The following PTPRT variants were observed in gnomAD, a reference collection of about 807,000 sequenced individuals.
PTPRT encodes protein tyrosine phosphatase receptor type T.
PTPRT carries 56 observed loss-of-function variants against 176.8 expected under a neutral mutation model. The ratio of observed to expected loss-of-function variants is 0.32; its 90% CI spans 0.26 to 0.40. The LOEUF is 0.40. Among genes scored for constraint, PTPRT ranks in the 10% least tolerant of loss-of-function variants. The probability of loss-of-function intolerance (pLI) is 1.00; values close to 1 mark genes in which losing one functional copy is unlikely to be tolerated. For synonymous variants in PTPRT, 783 were observed against 739.0 expected, an observed-to-expected ratio of 1.06 and a Z score of -0.96; for missense variants, 1,540 against 1,908.2, an observed-to-expected ratio of 0.81 and a Z score of 3.60.
chr20:42,237,608 A>G (rs145848105), intron 14 of PTPRT, among the ~76,000 whole-genome samples: 16 of 152,364 alleles, frequency 1.1e-4, no homozygotes, highest in African/African-American at 3.8e-4. Flanking sequence ...TGAGAATTCC[A>G]TTCTCCAAAA....
intron 1 of PTPRT, among the ~76,000 whole-genome samples, chr20:43,018,092 G>C (rs930051860): frequency 1.1e-4 from 17 of 152,214 alleles, no homozygotes; most frequent in Non-Finnish European, 1.3e-4. Flanking sequence ...GCAGTTCAGA[G>C]AGGTTGAGGG....
intron 7 of PTPRT, among the ~76,000 whole-genome samples, chr20:42,535,970 C>T (rs946408546): frequency 2.6e-5 from 4 of 152,120 alleles, no homozygotes; most frequent in East Asian, 1.9e-4. Context: ...GATAACTACC[C>T]TGTCTATTAA....
chr20:42,370,536 A>G (rs75834478), intron 9 of PTPRT, among the ~76,000 whole-genome samples: 12,263 of 152,194 alleles, frequency 0.081, 523 homozygotes, highest in Middle Eastern at 0.14. Flanking sequence ...TTAACAATGT[A>G]AGCCACTTAC....
chr20:42,316,218 C>A (rs2057719895), intron 11 of PTPRT, among the ~76,000 whole-genome samples: 1 of 152,204 alleles, frequency 6.6e-6, no homozygotes, highest in African/African-American at 2.4e-5. Context: ...ATCTAAAACT[C>A]AACTTAGCCC....
chr20:42,208,557 A>C (rs1214932704), intron 15 of PTPRT, among the ~76,000 whole-genome samples: 2 of 152,074 alleles, frequency 1.3e-5, no homozygotes, highest in African/African-American at 4.8e-5. Context: ...AGGCCATTAC[A>C]TAATGGTAAA....
intron 1 of PTPRT, among the ~76,000 whole-genome samples, chr20:42,886,320 T>A (rs1011001957): frequency 6.6e-6 from 1 of 152,106 alleles, no homozygotes. Flanking sequence ...CACTTCCCAG[T>A]CTGGCAAAAC....
intron 1 of PTPRT, among the ~76,000 whole-genome samples, chr20:42,942,990 T>C (rs965335938): frequency 3.9e-5 from 6 of 152,228 alleles, no homozygotes; most frequent in African/African-American, 1.4e-4. Context: ...CAGATGTCAA[T>C]ATTTAGCACT....
intron 1 of PTPRT, among the ~76,000 whole-genome samples, chr20:43,001,709 T>C (rs569201814): frequency 6.6e-6 from 1 of 152,190 alleles, no homozygotes; most frequent in South Asian, 2.1e-4. Context: ...TATTCTTTTA[T>C]ACATGATTAA....
At chr20:42,571,973 C>T (rs138552352) in intron 7 of PTPRT, among the ~76,000 whole-genome samples, 25 of 152,296 alleles carry the variant, frequency 1.6e-4, no homozygotes, top group African/African-American at 5.5e-4. Context: ...TTCGTTTGAG[C>T]TGTTATAACC....
At chr20:42,062,367 T>C in the PTPRT span, among the ~76,000 whole-genome samples, 6 of 152,180 alleles carry the variant, frequency 3.9e-5, no homozygotes, top group Non-Finnish European at 7.3e-5. Flanking sequence ...AGTAGAGGCC[T>C]AGAGTTCTCT....
At chr20:42,251,270 C>T (rs569418122) in intron 13 of PTPRT, among the ~76,000 whole-genome samples, 5 of 152,180 alleles carry the variant, frequency 3.3e-5, no homozygotes, top group Non-Finnish European at 5.9e-5. Context: ...GGCAAAGAGC[C>T]CCTAGAGAGG....
At chr20:43,069,657 G>C (rs150840523) in intron 1 of PTPRT, among the ~76,000 whole-genome samples, 17 of 152,260 alleles carry the variant, frequency 1.1e-4, no homozygotes, top group Admixed American at 3.3e-4. Context: ...GACAAGAAGC[G>C]GTGAGGTATC....
At chr20:42,877,878 G>C (rs2078960159) in intron 2 of PTPRT, among the ~76,000 whole-genome samples, 1 of 152,156 alleles carries the variant, frequency 6.6e-6, no homozygotes, top group African/African-American at 2.4e-5. Flanking sequence ...CCTAAGCTAA[G>C]AGCTAGAACA....
intron 7 of PTPRT, among the ~76,000 whole-genome samples, chr20:42,530,030 G>C (rs949767182): frequency 6.6e-6 from 1 of 152,110 alleles, no homozygotes. Flanking sequence ...AGCACAGCAA[G>C]GCTTTTTGTT....
At chr20:42,054,400 T>C in the PTPRT span, among the ~76,000 whole-genome samples, 2 of 152,234 alleles carry the variant, frequency 1.3e-5, no homozygotes, top group Non-Finnish European at 2.9e-5. Flanking sequence ...AGAGAGACAG[T>C]AATTTCATAA....
chr20:42,419,444 T>G (rs994945697), intron 9 of PTPRT, among the ~76,000 whole-genome samples: 1 of 152,202 alleles, frequency 6.6e-6, no homozygotes, highest in Non-Finnish European at 1.5e-5. Context: ...CTTCCTCTAT[T>G]TTAGCATGTC....
At chr20:42,566,972 T>C (rs1345815837) in intron 7 of PTPRT, among the ~76,000 whole-genome samples, 1 of 152,168 alleles carries the variant, frequency 6.6e-6, no homozygotes, top group African/African-American at 2.4e-5. Flanking sequence ...AGTAAATGTT[T>C]ATTAAGAATA....
At chr20:42,933,558 C>A (rs1013320936) in intron 1 of PTPRT, among the ~76,000 whole-genome samples, 1 of 152,162 alleles carries the variant, frequency 6.6e-6, no homozygotes, top group African/African-American at 2.4e-5. Context: ...AAACTCACCT[C>A]CCCCAAACCC....
chr20:43,049,479 A>T (rs1315872780), intron 1 of PTPRT, among the ~76,000 whole-genome samples: 1 of 152,226 alleles, frequency 6.6e-6, no homozygotes, highest in Non-Finnish European at 1.5e-5. Context: ...AAAGGAGTAT[A>T]AACAAGAGGA....
Sources: gnomAD v4.1 joint callset for allele counts (sites outside exome capture counted in the v4.1 genomes callset) on GRCh38, gnomAD v4.1.1 for gene constraint, MANE v1.5 for transcripts, NCBI Gene and HGNC (gene_info 2026-07-23, HGNC 2026-07-21) for gene names.